Variants in ZBTB7C observed in about 807,000 individuals in gnomAD.
The protein encoded by ZBTB7C is zinc finger and BTB domain-containing protein 7C.
Under a neutral mutation model 25.7 loss-of-function variants are expected in ZBTB7C, and 8 were observed. The observed-to-expected ratio is 0.31, with a 90% CI of 0.18 to 0.56. ZBTB7C has a LOEUF of 0.56. Ranked by LOEUF, ZBTB7C falls within the 20% of genes least tolerant of loss-of-function variation. The pLI is 0.91. For synonymous variants in ZBTB7C, 394 were observed against 369.0 expected (o/e 1.07, Z -0.78); for missense variants, 824 against 855.2 (o/e 0.96, Z 0.46).
intron 3 of ZBTB7C, among the ~76,000 whole-genome samples, chr18:48,050,354 G>T (rs1213922671): frequency 6.6e-6 from 1 of 152,156 alleles, no homozygotes; most frequent in Non-Finnish European, 1.5e-5. Flanking sequence ...GGGCTGGGAG[G>T]CTGGGCAGGG....
chr18:48,170,092 T>C (rs572779008), intron 3 of ZBTB7C, among the ~76,000 whole-genome samples: 2 of 152,198 alleles, frequency 1.3e-5, no homozygotes, highest in East Asian at 3.9e-4. Context: ...AAAGGCCAAC[T>C]TCCCCCAGCA....
At chr18:48,106,558 G>T (rs1245278032) in intron 3 of ZBTB7C, among the ~76,000 whole-genome samples, 1 of 152,092 alleles carries the variant, frequency 6.6e-6, no homozygotes, top group African/African-American at 2.4e-5. Context: ...GTCAGAGGAG[G>T]GGCAGGAGGT....
intron 1 of ZBTB7C, among the ~76,000 whole-genome samples, chr18:48,362,943 G>C (rs1598958694): frequency 6.6e-6 from 1 of 152,318 alleles, no homozygotes; most frequent in East Asian, 1.9e-4. Context: ...TGTCCAGCTG[G>C]GAAACATGAC....
At chr18:48,289,647 A>C (rs1057278745) in intron 2 of ZBTB7C, among the ~76,000 whole-genome samples, 2 of 151,662 alleles carry the variant, frequency 1.3e-5, no homozygotes, top group African/African-American at 4.8e-5. Flanking sequence ...AGGCATGCTT[A>C]AGTGCTGGGG....
At chr18:48,195,670 G>A (rs2042303031) in intron 2 of ZBTB7C, among the ~76,000 whole-genome samples, 1 of 152,040 alleles carries the variant, frequency 6.6e-6, no homozygotes, top group East Asian at 1.9e-4. Context: ...CCACTTGAAT[G>A]ACAAATTAAA....
chr18:48,223,673 G>A (rs1287600452), intron 2 of ZBTB7C, among the ~76,000 whole-genome samples: 1 of 152,176 alleles, frequency 6.6e-6, no homozygotes, highest in Non-Finnish European at 1.5e-5. Context: ...GGAGTCTCAG[G>A]TCTCAGTTCC....
At chr18:48,219,331 G>A (rs1182969828) in intron 2 of ZBTB7C, among the ~76,000 whole-genome samples, 3 of 152,162 alleles carry the variant, frequency 2.0e-5, no homozygotes, top group Non-Finnish European at 4.4e-5. Flanking sequence ...TCAGCTAGTT[G>A]GGTAAAATAA....
intron 1 of ZBTB7C, among the ~76,000 whole-genome samples, chr18:48,378,739 C>A (rs557366428): frequency 1.2e-3 from 182 of 152,142 alleles, no homozygotes; most frequent in African/African-American, 3.7e-3. Context: ...AATATGCAAT[C>A]ATAAAACAAG....
intron 2 of ZBTB7C, among the ~76,000 whole-genome samples, chr18:48,312,893 C>T (rs187105512): frequency 9.2e-5 from 14 of 152,322 alleles, no homozygotes; most frequent in Admixed American, 2.6e-4. Flanking sequence ...CACGATGCTA[C>T]GGGGCAGGGA....
chr18:48,109,707 G>A (rs928671005), intron 3 of ZBTB7C, among the ~76,000 whole-genome samples: 2 of 152,160 alleles, frequency 1.3e-5, no homozygotes, highest in African/African-American at 4.8e-5. Flanking sequence ...TGCAGAGGAG[G>A]GAGGGGGCAA....
intron 3 of ZBTB7C, among the ~76,000 whole-genome samples, chr18:48,170,137 A>G (rs978979221): frequency 1.3e-5 from 2 of 152,212 alleles, no homozygotes; most frequent in African/African-American, 4.8e-5. Flanking sequence ...TGGCCTGTGC[A>G]TTGGGGTGAT....
chr18:48,126,571 T>C (rs1182083875), intron 3 of ZBTB7C, among the ~76,000 whole-genome samples: 1 of 152,232 alleles, frequency 6.6e-6, no homozygotes, highest in Non-Finnish European at 1.5e-5. Context: ...CATTGGCTTC[T>C]TGTTACATGG....
intron 2 of ZBTB7C, among the ~76,000 whole-genome samples, chr18:48,313,224 C>T (rs1487057828): frequency 6.6e-6 from 1 of 152,218 alleles, no homozygotes. Flanking sequence ...CTGTCATGCT[C>T]AGCTCCAGGG....
Position 48,062,485 on chromosome 18 carries a change from G to T in ZBTB7C, c.-16-21362C>A, listed in dbSNP as rs2037165154. Among the ~76,000 whole-genome samples the T allele has an allele frequency of 2.0e-5, 3 of 152,232 alleles. No homozygotes were observed. In the South Asian group the frequency reaches 6.2e-4, roughly 32 times the overall value. ...ATATCTAGAGCTGCTTTAATTTCAT[G>T]CATCTTCTCTTGAGCACCTACTGTG... On this transcript the variant is annotated intron_variant, in intron 3 of 4. Transcript: ENST00000590800.
At chr18:48,305,999 C>G (rs2144766750) in intron 2 of ZBTB7C, among the ~76,000 whole-genome samples, 1 of 152,316 alleles carries the variant, frequency 6.6e-6, no homozygotes, top group East Asian at 1.9e-4. Context: ...ACAAACAGAG[C>G]CTGAGCTCAA....
At chr18:48,192,877 C>A (rs545862090) in intron 2 of ZBTB7C, among the ~76,000 whole-genome samples, 4 of 152,194 alleles carry the variant, frequency 2.6e-5, no homozygotes, top group African/African-American at 7.2e-5. Flanking sequence ...GAGGGTATTG[C>A]AAAGGGATGT....
chr18:48,191,891 G>A (rs765216495), intron 2 of ZBTB7C, among the ~76,000 whole-genome samples: 5 of 152,200 alleles, frequency 3.3e-5, no homozygotes, highest in Admixed American at 6.5e-5. Flanking sequence ...TTTGGCAGTT[G>A]TATACAAAGC....
intron 2 of ZBTB7C, among the ~76,000 whole-genome samples, chr18:48,281,256 T>C (rs1399755785): frequency 3.3e-5 from 5 of 152,066 alleles, no homozygotes; most frequent in Non-Finnish European, 5.9e-5. Context: ...TGGCTAGCCA[T>C]ATGGAGAAAG....
intron 2 of ZBTB7C, among the ~76,000 whole-genome samples, chr18:48,337,210 C>T (rs186674317): frequency 2.6e-5 from 4 of 152,358 alleles, no homozygotes; most frequent in East Asian, 1.9e-4. Context: ...GAATTTACCA[C>T]ACCCTCTTGG....
Sources: allele counts gnomAD v4.1 joint callset (sites outside exome capture counted in the v4.1 genomes callset), GRCh38; gene constraint gnomAD v4.1.1; transcripts MANE v1.5; gene names NCBI Gene and HGNC (gene_info 2026-07-23, HGNC 2026-07-21).